Variants in GIGYF2 observed in about 807,000 individuals in gnomAD.
The protein encoded by GIGYF2 is GRB10 interacting GYF protein 2.
GIGYF2 carries 25 observed loss-of-function variants against 208.1 expected under a neutral mutation model. The ratio of observed to expected loss-of-function variants is 0.12; its 90% CI spans 0.09 to 0.17. GIGYF2 has a LOEUF of 0.17. GIGYF2 is among the 10% of genes least tolerant of loss of function. GIGYF2 has a pLI of 1.00. For synonymous variants in GIGYF2, 534 were observed against 543.8 expected, an observed-to-expected ratio of 0.98 and a Z score of 0.25; for missense variants, 1,302 against 1,579.4, an observed-to-expected ratio of 0.82 and a Z score of 2.98.
chr2:232,736,124 T>C (rs1192879467), intron 3 of GIGYF2: 1 of 971,218 alleles, frequency 1.0e-6, no homozygotes, highest in African/African-American at 1.8e-5. Flanking sequence ...CTCGAAGTTT[T>C]CTTAACCTTT....
At chr2:232,762,584 A>G (rs1487355810) in intron 8 of GIGYF2, among the ~76,000 whole-genome samples, 1 of 152,182 alleles carries the variant, frequency 6.6e-6, no homozygotes, top group African/African-American at 2.4e-5. Context: ...AATGTTAAAT[A>G]TGTAAATACC....
At chr2:232,802,050 A>G (rs1462049554) in intron 14 of GIGYF2, among the ~76,000 whole-genome samples, 7 of 152,070 alleles carry the variant, frequency 4.6e-5, no homozygotes, top group Admixed American at 4.6e-4. Flanking sequence ...ATTTTTTTCT[A>G]ATTTTCTTTT....
chr2:232,847,428 A>T lies in GIGYF2; in HGVS notation c.3541A>T (p.Thr1181Ser). The T allele has an allele frequency of 1.2e-6, 2 of 1,613,990 alleles. No individual in the cohort carries two copies. Among genetic ancestry groups the T allele is most frequent in the Non-Finnish European group, 1.7e-6 (2 of 1,179,958 alleles). The change falls in exon 27 of 29, where the codon ACT (threonine) becomes TCT (serine). Residue 1181 changes from threonine to serine, a missense_variant. Physicochemically the swap from Thr to Ser is moderately conservative, Grantham distance 58. Transcript: ENST00000373563. ...TTATATCAGGGCCTATTTAGGAGATACTTCTGAGGCCAAGGAGTTTGCCAA... is the reference window on the plus strand; with the variant it reads ...TTATATCAGGGCCTATTTAGGAGATTCTTCTGAGGCCAAGGAGTTTGCCAA... ...HDYIRAYLGDTSEAKEFAKQF... is the reference protein window; with the variant it reads ...HDYIRAYLGDSSEAKEFAKQF...
At chr2:232,698,714 GTATT>G (rs1695715690) in intron 1 of GIGYF2, among the ~76,000 whole-genome samples, 1 of 152,172 alleles carries the variant, frequency 6.6e-6, no homozygotes, top group African/African-American at 2.4e-5. Flanking sequence ...CACTAGAAAA[GTATT>G]TAAAAGTGGC....
At chr2:232,745,787 C>T (rs1371587360) in intron 3 of GIGYF2, among the ~76,000 whole-genome samples, 2 of 152,160 alleles carry the variant, frequency 1.3e-5, no homozygotes, top group Admixed American at 1.3e-4. Context: ...CACGTCATCA[C>T]AATGTGTGCC....
At chr2:232,819,078 T>C (rs1331145789) in intron 20 of GIGYF2, among the ~76,000 whole-genome samples, 4 of 152,150 alleles carry the variant, frequency 2.6e-5, no homozygotes, top group Non-Finnish European at 4.4e-5. Context: ...GGATCCACTC[T>C]TTTAATAGCC....
intron 8 of GIGYF2, among the ~76,000 whole-genome samples, chr2:232,773,582 G>T (rs1199143894): frequency 2.6e-5 from 4 of 152,050 alleles, no homozygotes; most frequent in Non-Finnish European, 4.4e-5. Flanking sequence ...ACCTTTAGTA[G>T]ATGCCTTTCT....
rs1036996692 is a variant in GIGYF2 at position 232,857,758 on chromosome 2, C to CAT, written c.*901_*902dup. ...TTTAAGAGGCAGCTAGAATCTTTAC[C>CAT]ATATGTATGAATTTGTATAATTTCA... On this transcript the variant is annotated 3_prime_UTR_variant, in exon 29 of 29. Transcript: ENST00000373563. The CAT allele has an allele frequency of 1.3e-5, 2 of 152,518 alleles. No individual in the cohort carries two copies. Among genetic ancestry groups the CAT allele is most frequent in the African/African-American group, 4.8e-5 (2 of 41,398 alleles). The allele number at this position is 152,518 out of a possible 1,614,324, so 9.4% of individuals were successfully genotyped here. A position where few individuals can be genotyped will look rare whatever the true frequency, so the allele number is the denominator to read the frequency against.
chr2:232,763,367 C>T (rs913101573), intron 8 of GIGYF2, among the ~76,000 whole-genome samples: 1 of 151,998 alleles, frequency 6.6e-6, no homozygotes, highest in African/African-American at 2.4e-5. Context: ...TTCAAGACCC[C>T]CAGTGGATGC....
At position 232,830,433 on chromosome 2, in the gene GIGYF2, A is replaced by AT. The variant is rs200559740; in HGVS notation, c.2530-2414dup. ...ATTTTATTTAATGTTTAAGACATAG[A>AT]TTTTTTTTTTATTGGTAGACTTTAT... On this transcript the variant is annotated intron_variant, in intron 21 of 28. Transcript: ENST00000373563. 3.1e-3 allele frequency among the ~76,000 whole-genome samples: 466 copies of AT among 150,094 alleles called. 2 individuals carry two copies. The highest frequency in any genetic ancestry group is 9.1e-3 in the African/African-American group (372 of 41,036).
chr2:232,809,932 C>T (rs1454416325), intron 16 of GIGYF2, 121 bp downstream of exon 16: 4 of 722,640 alleles, frequency 5.5e-6, no homozygotes, highest in Non-Finnish European at 1.0e-5. Context: ...ACTTCAGTCA[C>T]CCAGCTAGTG....
At chr2:232,771,267 A>G in intron 8 of GIGYF2, 1 of 1,608,416 alleles carries the variant, frequency 6.2e-7, no homozygotes, top group Non-Finnish European at 8.5e-7. Context: ...TTTGAGCGCC[A>G]TCCATTTGAA....
intron 8 of GIGYF2, chr2:232,776,459 G>C (rs756228765): frequency 2.5e-6 from 4 of 1,598,974 alleles, no homozygotes; most frequent in African/African-American, 1.3e-5. Context: ...TCTTTTGCTG[G>C]GTCAGCCTTT....
intron 3 of GIGYF2, among the ~76,000 whole-genome samples, chr2:232,745,042 A>T (rs193025948): frequency 1.3e-5 from 2 of 152,316 alleles, no homozygotes; most frequent in Admixed American, 1.3e-4. Context: ...TTCAGTAAAG[A>T]GCCCAACTTT....
chr2:232,711,233 G>T (rs1161845557), intron 2 of GIGYF2, among the ~76,000 whole-genome samples: 9 of 147,856 alleles, frequency 6.1e-5, no homozygotes, highest in Admixed American at 5.4e-4. Context: ...GACTCCAGGC[G>T]TGCCACCATG....
intron 14 of GIGYF2, among the ~76,000 whole-genome samples, chr2:232,797,030 C>T (rs996837361): frequency 6.6e-6 from 1 of 151,704 alleles, no homozygotes; most frequent in Non-Finnish European, 1.5e-5. Flanking sequence ...GTTTCCGTTT[C>T]CCTGACTCTG....
chr2:232,740,305 C>CA (rs1242053647), intron 3 of GIGYF2, among the ~76,000 whole-genome samples: 2 of 151,952 alleles, frequency 1.3e-5, no homozygotes, highest in Non-Finnish European at 2.9e-5. Flanking sequence ...AAACAAAAAA[C>CA]AAAAAGAAGA....
chr2:232,858,657 T>C lies in GIGYF2; in HGVS notation c.*1797T>C, dbSNP rs1559174673. 2 of 430,486 alleles carry C rather than the reference T, an allele frequency of 4.6e-6. No individual in the cohort carries two copies. Among genetic ancestry groups the C allele is most frequent in the Non-Finnish European group, 9.2e-6 (2 of 216,278 alleles). The allele number at this position is 430,486 out of a possible 1,614,324, so 26.7% of individuals were successfully genotyped here. On this transcript the variant is annotated 3_prime_UTR_variant, in exon 29 of 29. Transcript: ENST00000373563. ...AGTGCACCTCTTGTACTCACCTTTA[T>C]GGAGGCTGAGTTCTGCACTAAACTG...
intron 2 of GIGYF2, among the ~76,000 whole-genome samples, chr2:232,717,243 T>G (rs937846559): frequency 6.6e-6 from 1 of 152,124 alleles, no homozygotes; most frequent in Non-Finnish European, 1.5e-5. Context: ...ACCCAGGAGT[T>G]TGAGGTTACA....
Sources: allele counts gnomAD v4.1 joint callset (sites outside exome capture counted in the v4.1 genomes callset), GRCh38; gene constraint gnomAD v4.1.1; transcripts MANE v1.5; gene names NCBI Gene and HGNC (gene_info 2026-07-23, HGNC 2026-07-21).